The following RAG1 variants were observed in gnomAD, a reference collection of about 807,000 sequenced individuals.
The protein encoded by RAG1 is V(D)J recombination-activating protein 1.
In RAG1, 35 loss-of-function variants were observed where a neutral mutation model predicts 62.7. The ratio of observed to expected loss-of-function variants is 0.56; its 90% CI spans 0.43 to 0.74. The LOEUF (loss-of-function observed/expected upper bound fraction) is 0.74. Ranked by LOEUF, RAG1 falls within the 30% of genes least tolerant of loss-of-function variation. The pLI is 0.00. For synonymous variants in RAG1, 461 were observed against 470.3 expected (o/e 0.98, Z 0.26); for missense variants, 1,169 against 1,278.6 (o/e 0.91, Z 1.31).
chr11:36,539,411 TA>T (rs764370288), downstream of RAG1, among the ~76,000 whole-genome samples: 40 of 152,338 alleles, frequency 2.6e-4, no homozygotes, highest in Non-Finnish European at 5.3e-4. Flanking sequence ...AGGTGACTAA[TA>T]TAGACTCTGT....
chr11:36,524,968 A>G (rs1860137998), intron 2 of RAG1, among the ~76,000 whole-genome samples: 1 of 152,018 alleles, frequency 6.6e-6, no homozygotes, highest in South Asian at 2.1e-4. Flanking sequence ...TTTTGTATTA[A>G]GAGATGAGAC....
At chr11:36,561,878 C>A (rs1404091844) in intron 3 of RAG1, among the ~76,000 whole-genome samples, 3 of 152,178 alleles carry the variant, frequency 2.0e-5, no homozygotes, top group African/African-American at 4.8e-5. Context: ...CTCCGTTTTT[C>A]TGAAGACCCC....
In RAG1 at chr11:36,575,514, G is replaced by A. The variant is rs104894286; in HGVS notation, c.2210G>A (p.Arg737His). ...ATTTGTACTCTTTGTGATGCCACCC[G>A]TCTGGAAGCCTCTCAAAATCTTGTC... Reference protein sequence around the residue: ...VYICTLCDATRLEASQNLVFH... With the variant: ...VYICTLCDATHLEASQNLVFH... Residue 737 changes from arginine to histidine, a missense_variant, in exon 2 of 2, where the codon CGT becomes CAT. Transcript: ENST00000299440. The surrounding 1 kb of genome is among the most constrained non-coding windows in gnomAD (Gnocchi z 4.1). 2.8e-5 allele frequency: 46 copies of A among 1,614,178 alleles called. No individual in the cohort carries two copies. Among genetic ancestry groups the A allele is most frequent in the East Asian group, 4.5e-5 (2 of 44,882 alleles).
intron 3 of RAG1, among the ~76,000 whole-genome samples, chr11:36,546,945 C>T (rs771151731): frequency 6.6e-6 from 1 of 152,042 alleles, no homozygotes; most frequent in Admixed American, 6.5e-5. Flanking sequence ...TGATGGCCTT[C>T]CCTTTTGTGG....
At chr11:36,560,083 G>A (rs540111110) in intron 3 of RAG1, among the ~76,000 whole-genome samples, 17 of 152,074 alleles carry the variant, frequency 1.1e-4, no homozygotes, top group East Asian at 5.8e-4. Context: ...TTTGGTTACC[G>A]GTGGCTGCAG....
In RAG1 at chr11:36,530,833, A is replaced by G. The variant is rs151004259; in HGVS notation, n.429-5126A>G. 1.4e-4 allele frequency among the ~76,000 whole-genome samples: 22 copies of G among 151,952 alleles called. No individual in the cohort carries two copies. In the East Asian group the frequency reaches 4.3e-3, roughly 29 times the overall value. ...AATGTTGTTTAGCTCTTACTTGTTG[A>G]TGGTGTTGTTGAGTTCTTATATCCT... is the stretch of plus-strand genomic sequence containing the variant. On this transcript the variant is annotated intron_variant and non_coding_transcript_variant, in intron 2 of 2. Coordinates refer to the RAG1 transcript ENST00000529126.
At chr11:36,534,666 T>C (rs1006798398) in intron 2 of RAG1, among the ~76,000 whole-genome samples, 3 of 152,222 alleles carry the variant, frequency 2.0e-5, no homozygotes, top group Admixed American at 6.5e-5. Flanking sequence ...CAAAGTTACA[T>C]TGCAAAAGAT....
In RAG1 at chr11:36,575,746, G is replaced by T. The variant is rs768860215; in HGVS notation, c.2442G>T (p.Glu814Asp). ...AAEFYKIFQL[E>D]IGEVYKNPNA... ...AGTTCTACAAGATCTTCCAGCTAGA[G>T]ATAGGGGAAGTGTATAAGAATCCCA... Residue 814 changes from glutamate to aspartate, a missense_variant, in exon 2 of 2, where the codon GAG becomes GAT. Glu to Asp is a conservative substitution (Grantham distance 45, BLOSUM62 2). Coordinates refer to ENST00000299440, the MANE Select transcript of RAG1 (RefSeq NM_000448.3). The surrounding 1 kb of genome is among the most constrained non-coding windows in gnomAD (Gnocchi z 4.1). 2.5e-6 allele frequency: 4 copies of T among 1,614,202 alleles called. No individual in the cohort carries two copies. In the Admixed American group the frequency reaches 5.0e-5, roughly 20 times the overall value.
chr11:36,548,948 G>A (rs1233280646), intron 3 of RAG1, among the ~76,000 whole-genome samples: 1 of 152,056 alleles, frequency 6.6e-6, no homozygotes, highest in African/African-American at 2.4e-5. Context: ...GAACCAAACG[G>A]AAGCATTAGA....
chr11:36,574,705 A>C lies in RAG1; in HGVS notation c.1401A>C (p.Pro467=). 6.2e-7 allele frequency: 1 copy of C among 1,614,240 alleles called. No individual in the cohort carries two copies. Among genetic ancestry groups the C allele is most frequent in the Non-Finnish European group, 8.5e-7 (1 of 1,180,050 alleles). The change falls in exon 2 of 2, where the codon CCA becomes CCC. Residue 467 remains proline (P), a synonymous_variant. Coordinates refer to ENST00000299440, the MANE Select transcript of RAG1 (RefSeq NM_000448.3). ...IMQGKGSGLQ[P]AVCLAIRVNT... ...AGGGAAAGGGCTCTGGCCTGCAGCC[A>C]GCTGTTTGCTTGGCCATCCGTGTCA...
In RAG1 at chr11:36,576,695, T is replaced by A. The variant is rs1850858168; in HGVS notation, c.*259T>A. On this transcript the variant is annotated 3_prime_UTR_variant, in exon 2 of 2. Coordinates refer to ENST00000299440, the MANE Select transcript of RAG1 (RefSeq NM_000448.3). ...CTCAGTAACTCAGAACAGGAGTAAC[T>A]GCAGGGGACCAGAGATGAGCAAAGA... 2.0e-6 allele frequency: 1 copy of A among 509,958 alleles called. No homozygotes were observed. Among genetic ancestry groups the A allele is most frequent in the Admixed American group, 3.3e-5 (1 of 30,302 alleles). 31.6% of individuals were successfully genotyped at this position (509,958 alleles called of 1,614,324 possible). A position where few individuals can be genotyped will look rare whatever the true frequency, so the allele number is the denominator to read the frequency against.
chr11:36,570,171 C>T (rs1466493592), intron 1 of RAG1, among the ~76,000 whole-genome samples: 1 of 152,018 alleles, frequency 6.6e-6, no homozygotes, highest in Non-Finnish European at 1.5e-5. Flanking sequence ...TATTGGATAA[C>T]TTCCCAAAAG....
intron 1 of RAG1, among the ~76,000 whole-genome samples, chr11:36,569,896 A>G: frequency 6.6e-6 from 1 of 152,166 alleles, no homozygotes; most frequent in East Asian, 1.9e-4. Context: ...TATACTTGCT[A>G]TTGTCATTCT....
At chr11:36,522,934 G>C (rs932228287) in intron 2 of RAG1, among the ~76,000 whole-genome samples, 7 of 152,186 alleles carry the variant, frequency 4.6e-5, no homozygotes, top group Non-Finnish European at 7.3e-5. Context: ...ATTTGGAACA[G>C]GTGTATTTAC....
chr11:36,560,555 C>T (rs1296850835), intron 3 of RAG1, among the ~76,000 whole-genome samples: 1 of 152,150 alleles, frequency 6.6e-6, no homozygotes, highest in African/African-American at 2.4e-5. Context: ...TGGCTCTGCT[C>T]TCAGCATGAT....
At chr11:36,540,705 CTCTTT>C (rs1368527626), downstream of RAG1, among the ~76,000 whole-genome samples, 2 of 152,192 alleles carry the variant, frequency 1.3e-5, no homozygotes, top group African/African-American at 4.8e-5. Context: ...CGCGTCTGGC[CTCTTT>C]TCTTCGTTTT....
chr11:36,533,310 C>T (rs139293329), intron 2 of RAG1, among the ~76,000 whole-genome samples: 29 of 152,254 alleles, frequency 1.9e-4, no homozygotes, highest in African/African-American at 6.7e-4. Context: ...CTGAGCCTTG[C>T]GAGATCAGCT....
Position 36,576,118 on chromosome 11 carries a change from T to C in RAG1, c.2814T>C (p.Tyr938=). 2 of 1,613,990 alleles carry C rather than the reference T, an allele frequency of 1.2e-6. No homozygotes were observed. The highest frequency in any genetic ancestry group is 1.7e-6 in the Non-Finnish European group (2 of 1,180,012). Residue 938 remains tyrosine, a synonymous_variant, in exon 2 of 2, where the codon TAT becomes TAC. Coordinates refer to ENST00000299440, the MANE Select transcript of RAG1 (RefSeq NM_000448.3). ...KYRYEGKITN[Y]FHKTLAHVPE... is the part of the protein sequence containing the mutation. ...GGTATGAGGGAAAAATCACCAATTA[T>C]TTTCACAAAACCCTGGCCCATGTTC...
rs1483367616 is a variant in RAG1, at chr11:36,578,958, C to G, written c.*2522C>G. On this transcript the variant is annotated 3_prime_UTR_variant, in exon 2 of 2. Coordinates refer to ENST00000299440, the MANE Select transcript of RAG1 (RefSeq NM_000448.3). ...TGTGAAACCTGAATCTACAAGTTTT[C>G]CTGCCAAGCCACTCAGGTGCATTGC... 8 of 167,080 alleles carry G rather than the reference C, an allele frequency of 4.8e-5. No individual in the cohort carries two copies. 10.3% of individuals were successfully genotyped at this position (167,080 alleles called of 1,614,324 possible).
Sources: allele counts gnomAD v4.1 joint callset (sites outside exome capture counted in the v4.1 genomes callset), GRCh38; gene constraint gnomAD v4.1.1; non-coding constraint Gnocchi (gnomAD v3.1); transcripts MANE v1.5; gene names NCBI Gene and HGNC (gene_info 2026-07-23, HGNC 2026-07-21).